PRKAR1B: variants seen among roughly 807,000 people sequenced by gnomAD.
PRKAR1B encodes the protein cAMP-dependent protein kinase type I-beta regulatory subunit.
PRKAR1B carries 22 observed loss-of-function variants against 46.5 expected under a neutral mutation model. The ratio of observed to expected loss-of-function variants is 0.47; its 90% CI spans 0.34 to 0.68. PRKAR1B has a LOEUF of 0.68. Ranked by LOEUF, PRKAR1B falls within the 30% of genes least tolerant of loss-of-function variation. The pLI is 0.01. For synonymous variants in PRKAR1B, 259 were observed against 217.7 expected (o/e 1.19, Z -1.67); for missense variants, 445 against 535.6 (o/e 0.83, Z 1.67).
At chr7:681,495 A>C (rs1357250826) in intron 2 of PRKAR1B, among the ~76,000 whole-genome samples, 1 of 152,114 alleles carries the variant, frequency 6.6e-6, no homozygotes, top group Non-Finnish European at 1.5e-5. Context: ...AATTATCTCA[A>C]AATTAAAACT....
At chr7:708,208 C>T (rs1417740727) in intron 2 of PRKAR1B, among the ~76,000 whole-genome samples, 1 of 151,970 alleles carries the variant, frequency 6.6e-6, no homozygotes, top group South Asian at 2.1e-4. Flanking sequence ...ACCTCGATCT[C>T]GGACTTCCAG....
intron 4 of PRKAR1B, among the ~76,000 whole-genome samples, chr7:627,693 C>T (rs1027780417): frequency 6.6e-6 from 1 of 152,080 alleles, no homozygotes; most frequent in Non-Finnish European, 1.5e-5. Context: ...GGCAGGGGCT[C>T]GGGCGCTCTC....
chr7:571,961 C>T (rs191153557), intron 9 of PRKAR1B, among the ~76,000 whole-genome samples: 9 of 152,340 alleles, frequency 5.9e-5, no homozygotes, highest in East Asian at 1.9e-4. Context: ...GCCGGGTGTC[C>T]GCCGGAGGCA....
chr7:709,471 C>T (rs1047827244), intron 2 of PRKAR1B, among the ~76,000 whole-genome samples: 18 of 150,716 alleles, frequency 1.2e-4, no homozygotes, highest in African/African-American at 2.9e-4. Context: ...CCCAGGTACA[C>T]GCCATTCTCC....
chr7:580,705 A>C (rs1780124076), intron 8 of PRKAR1B, among the ~76,000 whole-genome samples: 1 of 151,636 alleles, frequency 6.6e-6, no homozygotes, highest in African/African-American at 2.4e-5. Flanking sequence ...AGATTTTATA[A>C]GAAAATAATG....
At chr7:589,517 G>T (rs1235633542) in intron 7 of PRKAR1B, among the ~76,000 whole-genome samples, 2 of 152,066 alleles carry the variant, frequency 1.3e-5, no homozygotes, top group Non-Finnish European at 2.9e-5. Flanking sequence ...CACCTCCCGA[G>T]ATCCACACTT....
intron 2 of PRKAR1B, among the ~76,000 whole-genome samples, chr7:685,367 C>CATAT (rs10586227): frequency 9.9e-5 from 3 of 30,242 alleles, no homozygotes; most frequent in Non-Finnish European, 1.7e-4. Context: ...TATATATACA[C>CATAT]ATATATATAT....
chr7:713,083 G>A (rs1780744925), intron 1 of PRKAR1B: 1 of 152,242 alleles, frequency 6.6e-6, no homozygotes, highest in African/African-American at 2.4e-5. Flanking sequence ...GGTCACGGAG[G>A]CCTAGGAGGA....
chr7:590,886 G>A lies in PRKAR1B; in HGVS notation c.708+5260C>T, dbSNP rs531408747. On this transcript the variant is annotated intron_variant, in intron 7 of 10. Transcript: ENST00000537384. The stretch of plus-strand genomic sequence containing the variant: ...TTTCAGAAACGCCGAGCCCAGGCCC[G>A]TCGGCAGCAGAAAGTGCCGCGTGTC... 3.9e-5 allele frequency among the ~76,000 whole-genome samples: 6 copies of A among 152,294 alleles called. No homozygotes were observed. The South Asian group carries it at 8.3e-4, about 21-fold the overall frequency.
chr7:646,890 G>A (rs1191330749), intron 4 of PRKAR1B, among the ~76,000 whole-genome samples: 15 of 152,190 alleles, frequency 9.9e-5, no homozygotes, highest in Admixed American at 2.6e-4. Flanking sequence ...GCTCACACCC[G>A]GCAGGATCAC....
At chr7:690,893 C>T (rs1038534296) in intron 2 of PRKAR1B, among the ~76,000 whole-genome samples, 80 of 152,264 alleles carry the variant, frequency 5.3e-4, no homozygotes, top group Non-Finnish European at 1.1e-3. Context: ...CCTCAGCGGG[C>T]CTGGCGGCTG....
chr7:625,513 C>T (rs1414403981), intron 4 of PRKAR1B, among the ~76,000 whole-genome samples: 2 of 151,872 alleles, frequency 1.3e-5, no homozygotes, highest in African/African-American at 2.4e-5. Flanking sequence ...ACTACAGGTC[C>T]CATGGACAAG....
chr7:579,206 C>T (rs1298057591), intron 9 of PRKAR1B, 50 bp downstream of exon 9: 3 of 1,612,750 alleles, frequency 1.9e-6, no homozygotes, highest in Non-Finnish European at 1.7e-6. Flanking sequence ...GTAAGAAGTG[C>T]CCCTGCCCCA....
At chr7:701,511 T>C (rs188916026) in intron 2 of PRKAR1B, among the ~76,000 whole-genome samples, 1 of 152,238 alleles carries the variant, frequency 6.6e-6, no homozygotes, top group East Asian at 1.9e-4. Flanking sequence ...TGTTGAAAGG[T>C]ATAAATATTC....
intron 4 of PRKAR1B, 64 bp downstream of exon 4, chr7:677,165 T>G (rs1035930935): frequency 6.6e-7 from 1 of 1,514,030 alleles, no homozygotes; most frequent in African/African-American, 1.4e-5. Flanking sequence ...TGGCGGGACC[T>G]GCCCACCTCC....
intron 4 of PRKAR1B, among the ~76,000 whole-genome samples, chr7:656,639 G>A (rs549455017): frequency 2.0e-5 from 3 of 152,238 alleles, no homozygotes; most frequent in East Asian, 3.9e-4. Flanking sequence ...ATGAATGAAT[G>A]AATGAGTGAA....
chr7:700,391 T>C (rs1240183880), intron 2 of PRKAR1B, among the ~76,000 whole-genome samples: 2 of 152,192 alleles, frequency 1.3e-5, no homozygotes, highest in South Asian at 2.1e-4. Context: ...TCTCTCTCCA[T>C]AGGATTTTAA....
intron 4 of PRKAR1B, among the ~76,000 whole-genome samples, chr7:609,781 C>T (rs1209105812): frequency 6.6e-6 from 1 of 152,124 alleles, no homozygotes; most frequent in African/African-American, 2.4e-5. Flanking sequence ...CATTTTGTTG[C>T]CCAGGCTGGA....
At position 593,089 on chromosome 7, in the gene PRKAR1B, T is replaced by A. The variant is rs1781077596; in HGVS notation, c.708+3057A>T. Among the ~76,000 whole-genome samples the A allele has an allele frequency of 6.6e-6, 1 of 152,162 alleles. No homozygotes were observed. Among genetic ancestry groups the A allele is most frequent in the Admixed American group, 6.5e-5 (1 of 15,282 alleles). On this transcript the variant is annotated intron_variant, in intron 7 of 10. Transcript: ENST00000537384. This position sits in a 1 kb window ranked among gnomAD's most constrained non-coding sequence, Gnocchi z 6.1. Reference sequence around the variant, plus strand: ...AAGAAAAAGCAAGTCTGGGGAGTGCTGGCCCCGGGCTGGGCCCCTGCCTGG... The same window carrying A: ...AAGAAAAAGCAAGTCTGGGGAGTGCAGGCCCCGGGCTGGGCCCCTGCCTGG...
Sources: gnomAD v4.1 joint callset for allele counts (sites outside exome capture counted in the v4.1 genomes callset) on GRCh38, gnomAD v4.1.1 for gene constraint, Gnocchi (gnomAD v3.1) non-coding constraint, MANE v1.5 for transcripts, NCBI Gene and HGNC (gene_info 2026-07-23, HGNC 2026-07-21) for gene names.